SYTL3: variants seen among roughly 807,000 people sequenced by gnomAD.
SYTL3 encodes the protein synaptotagmin like 3.
Under a neutral mutation model 82.1 loss-of-function variants are expected in SYTL3, and 88 were observed. The observed-to-expected ratio is 1.07, with a 90% CI of 0.90 to 1.28. The LOEUF (loss-of-function observed/expected upper bound fraction) is 1.28. Among genes scored for constraint, SYTL3 ranks in the 50% most tolerant of loss-of-function variants. The probability of loss-of-function intolerance (pLI) is 0.00; values close to 1 mark genes in which losing one functional copy is unlikely to be tolerated. For missense variants in SYTL3, 831 were observed against 757.6 expected, an observed-to-expected ratio of 1.10 and a Z score of -1.14; for synonymous variants, 311 against 289.4, an observed-to-expected ratio of 1.07 and a Z score of -0.76.
rs779098083 is a variant in SYTL3, at chr6:158,764,535, G to A, written c.1764G>A (p.Ser588=). ...TAVGGDACSL[S]KLQWQKVLSS... ...TTGGCGGGGATGCATGCTCACTATC[G>A]AAGCTCCAGTGGCAGAAAGTCCTTT... is the stretch of plus-strand genomic sequence containing the variant. The change falls in exon 18 of 18, where the codon TCG becomes TCA. Residue 588 remains serine, a synonymous_variant. Transcript: ENST00000611299. 1.7e-5 allele frequency: 28 copies of A among 1,613,934 alleles called. No homozygotes were observed. Among genetic ancestry groups the A allele is most frequent in the Admixed American group, 1.0e-4 (6 of 60,002 alleles).
intron 6 of SYTL3, among the ~76,000 whole-genome samples, chr6:158,699,584 T>C (rs1583280537): frequency 1.3e-5 from 2 of 152,272 alleles, no homozygotes; most frequent in South Asian, 2.1e-4. Flanking sequence ...GTGTGAATCC[T>C]CACAGTGCTG....
At chr6:158,664,227 A>G (rs986185922) in intron 4 of SYTL3, among the ~76,000 whole-genome samples, 1 of 152,212 alleles carries the variant, frequency 6.6e-6, no homozygotes, top group Admixed American at 6.5e-5. Context: ...TTCTAAGTGC[A>G]CTTGTAAACT....
At chr6:158,757,166 C>A in intron 13 of SYTL3, 45 bp from the exon 14 acceptor site, 1 of 1,568,874 alleles carries the variant, frequency 6.4e-7, no homozygotes, top group South Asian at 1.2e-5. Context: ...CCTAGGAGTG[C>A]GGGCCCCGGG....
chr6:158,691,126 C>T (rs1376187949), intron 6 of SYTL3, among the ~76,000 whole-genome samples: 3 of 152,014 alleles, frequency 2.0e-5, no homozygotes, highest in African/African-American at 2.4e-5. Context: ...GTGGGAGGAT[C>T]GTTTGAGGCC....
intron 11 of SYTL3, among the ~76,000 whole-genome samples, chr6:158,741,034 G>A (rs1420959817): frequency 6.6e-6 from 1 of 152,140 alleles, no homozygotes; most frequent in Non-Finnish European, 1.5e-5. Context: ...TGGCAGATGA[G>A]GCAAAACTTT....
At chr6:158,666,431 C>T (rs938499124) in intron 5 of SYTL3, among the ~76,000 whole-genome samples, 8 of 152,100 alleles carry the variant, frequency 5.3e-5, no homozygotes, top group East Asian at 1.9e-4. Context: ...ATTCTGAAAA[C>T]GATAAAGAGC....
chr6:158,702,995 A>G (rs1447996438), intron 6 of SYTL3, among the ~76,000 whole-genome samples: 1 of 151,874 alleles, frequency 6.6e-6, no homozygotes, highest in Non-Finnish European at 1.5e-5. Flanking sequence ...TCTACTAAAA[A>G]TACAAAAAAT....
At chr6:158,720,353 G>A (rs1205864160) in intron 10 of SYTL3, among the ~76,000 whole-genome samples, 1 of 145,902 alleles carries the variant, frequency 6.9e-6, no homozygotes, top group Non-Finnish European at 1.5e-5. Flanking sequence ...GCAGTAAGCC[G>A]GGATCGTACT....
chr6:158,670,740 C>T (rs1049353209), intron 5 of SYTL3, among the ~76,000 whole-genome samples: 3 of 152,018 alleles, frequency 2.0e-5, no homozygotes, highest in Non-Finnish European at 2.9e-5. Context: ...GGAGATCACA[C>T]CAATGCCCTC....
At chr6:158,678,139 A>C (rs2128398512) in intron 5 of SYTL3, among the ~76,000 whole-genome samples, 1 of 152,296 alleles carries the variant, frequency 6.6e-6, no homozygotes, top group South Asian at 2.1e-4. Context: ...GGCCTCCGAA[A>C]GTGCTGAGAT....
chr6:158,761,270 C>T (rs985654846), intron 15 of SYTL3, among the ~76,000 whole-genome samples: 11 of 138,556 alleles, frequency 7.9e-5, no homozygotes, highest in East Asian at 2.1e-4. Context: ...AGGAGGAGGG[C>T]GGGGAAGGAG....
Position 158,694,701 on chromosome 6 carries a change from A to C in SYTL3, c.394+11712A>C, listed in dbSNP as rs557252988. Among the ~76,000 whole-genome samples, 11 of 152,292 alleles carry C rather than the reference A, an allele frequency of 7.2e-5. No individual in the cohort carries two copies. The South Asian group carries it at 2.1e-3, about 29-fold the overall frequency. On this transcript the variant is annotated intron_variant, in intron 6 of 17. Coordinates refer to ENST00000611299, the MANE Select transcript of SYTL3 (RefSeq NM_001242394.2). ...AAGTCACTTTGAATACATGAATTTA[A>C]CCTAGACATTTTTTGTATCTCAAGT...
At chr6:158,670,149 G>A (rs977477448) in intron 5 of SYTL3, among the ~76,000 whole-genome samples, 2 of 152,178 alleles carry the variant, frequency 1.3e-5, no homozygotes, top group East Asian at 3.8e-4. Context: ...TTTAGAAAAT[G>A]TAATCTTTTA....
chr6:158,660,907 T>C (rs1315510409), intron 2 of SYTL3, among the ~76,000 whole-genome samples: 1 of 151,972 alleles, frequency 6.6e-6, no homozygotes, highest in Non-Finnish European at 1.5e-5. Flanking sequence ...ATTAAAACAT[T>C]AGCTAGGCAT....
At position 158,745,514 on chromosome 6, in the gene SYTL3, A is replaced by T. The variant is rs970772870; in HGVS notation, c.890A>T (p.Glu297Val). 5.6e-6 allele frequency: 9 copies of T among 1,613,448 alleles called. No homozygotes were observed. In the East Asian group the frequency reaches 2.0e-4, roughly 36 times the overall value. ...ATTAGCATTGACAGCACCTGTACAG[A>T]GATGGGCAATTTTGACAATGCTAAT... is the stretch of plus-strand genomic sequence containing the variant. ...SLISIDSTCT[E>V]MGNFDNANVT... is the part of the protein sequence containing the mutation. The change falls in exon 12 of 18, where the codon GAG (glutamate) becomes GTG (valine). Residue 297 changes from glutamate to valine, a missense_variant. Glu to Val is a moderately radical substitution (Grantham distance 121). Transcript: ENST00000611299.
chr6:158,677,118 A>G (rs1240037514), intron 5 of SYTL3, among the ~76,000 whole-genome samples: 1 of 152,202 alleles, frequency 6.6e-6, no homozygotes, highest in African/African-American at 2.4e-5. Context: ...TATGTTTATC[A>G]TGGCCCTACT....
At chr6:158,701,476 G>C (rs1257728148) in intron 6 of SYTL3, among the ~76,000 whole-genome samples, 32 of 144,334 alleles carry the variant, frequency 2.2e-4, no homozygotes, top group African/African-American at 8.2e-4. Flanking sequence ...ATGAAGGACT[G>C]TCTGGGGGGA....
intron 13 of SYTL3, among the ~76,000 whole-genome samples, chr6:158,753,248 A>T (rs993512022): frequency 3.3e-5 from 5 of 151,374 alleles, no homozygotes; most frequent in African/African-American, 1.2e-4. Flanking sequence ...TGGCCAGCAA[A>T]TTTTTTGTGT....
intron 6 of SYTL3, among the ~76,000 whole-genome samples, chr6:158,688,078 A>C (rs1203384544): frequency 2.1e-4 from 32 of 152,172 alleles, no homozygotes; most frequent in Non-Finnish European, 1.5e-5. Context: ...ACTTGGCATA[A>C]ACATTTTCCT....
Sources: allele counts gnomAD v4.1 joint callset (sites outside exome capture counted in the v4.1 genomes callset), GRCh38; gene constraint gnomAD v4.1.1; transcripts MANE v1.5; gene names NCBI Gene and HGNC (gene_info 2026-07-23, HGNC 2026-07-21).